The following IFT74 variants were observed in gnomAD, a reference collection of about 807,000 sequenced individuals.
The protein encoded by IFT74 is intraflagellar transport 74, also known as intraflagellar transport protein 74 homolog.
A neutral mutation model predicts 96.7 loss-of-function variants in IFT74; 92 were observed. That is an observed-to-expected ratio of 0.95 (90% CI 0.80 to 1.13). The LOEUF (loss-of-function observed/expected upper bound fraction) is 1.13, where lower values mean the gene tolerates loss of function less well. Among genes scored for constraint, IFT74 ranks in the 50% most tolerant of loss-of-function variants. The pLI is 0.00. For synonymous variants in IFT74, 223 were observed against 213.2 expected (o/e 1.05, Z -0.40); for missense variants, 811 against 698.2 (o/e 1.16, Z -1.82).
upstream of IFT74, among the ~76,000 whole-genome samples, chr9:26,951,780 T>G (rs1390732682): frequency 6.6e-6 from 1 of 152,088 alleles, no homozygotes; most frequent in East Asian, 1.9e-4. Context: ...GCGCCTGTAG[T>G]CCCAGCTACT....
intron 12 of IFT74, among the ~76,000 whole-genome samples, chr9:27,022,031 T>G (rs1020470564): frequency 3.3e-5 from 5 of 152,230 alleles, no homozygotes; most frequent in African/African-American, 9.6e-5. Flanking sequence ...GAGGATCCAG[T>G]TTCATTCTCC....
intron 1 of IFT74, among the ~76,000 whole-genome samples, chr9:26,956,802 A>G (rs1448224389): frequency 6.6e-6 from 1 of 152,222 alleles, no homozygotes. Flanking sequence ...TCAAAGCAAT[A>G]CATTTCTGCC....
Position 27,046,121 on chromosome 9 carries a change from C to T in IFT74, c.1109-1153C>T, listed in dbSNP as rs549595895. 1.9e-4 allele frequency among the ~76,000 whole-genome samples: 29 copies of T among 152,234 alleles called. No individual in the cohort carries two copies. In the Middle Eastern group the frequency reaches 0.02, roughly 107 times the overall value. ...TCCTTAAAAAATAACCCCTGAAAGA[C>T]AATGTTCATTTATGCCTTTGTATAT... On this transcript the variant is annotated intron_variant, in intron 14 of 19. Coordinates refer to ENST00000380062, the MANE Select transcript of IFT74 (RefSeq NM_025103.4).
chr9:27,038,028 C>G (rs983667833), intron 13 of IFT74, among the ~76,000 whole-genome samples: 3 of 152,204 alleles, frequency 2.0e-5, no homozygotes, highest in Non-Finnish European at 4.4e-5. Flanking sequence ...ATGACTTACA[C>G]CCACCTCACC....
At chr9:26,980,497 C>T in intron 3 of IFT74, 74 bp from the exon 4 acceptor site, 2 of 880,394 alleles carry the variant, frequency 2.3e-6, no homozygotes, top group Non-Finnish European at 3.9e-6. Flanking sequence ...GAGTGTAATT[C>T]TGATTGTGCT....
At chr9:27,061,231 G>A (rs1434013633) in intron 19 of IFT74, among the ~76,000 whole-genome samples, 1 of 152,078 alleles carries the variant, frequency 6.6e-6, no homozygotes, top group Non-Finnish European at 1.5e-5. Flanking sequence ...CAAAAAAGGA[G>A]TACAAAGACT....
chr9:27,037,686 T>C (rs1279366804), intron 13 of IFT74, among the ~76,000 whole-genome samples: 1 of 152,220 alleles, frequency 6.6e-6, no homozygotes, highest in Non-Finnish European at 1.5e-5. Context: ...CACAGCAGGT[T>C]ACATGGTCAA....
At chr9:26,966,102 T>G (rs1225571270) in intron 2 of IFT74, among the ~76,000 whole-genome samples, 1 of 151,982 alleles carries the variant, frequency 6.6e-6, no homozygotes, top group Non-Finnish European at 1.5e-5. Flanking sequence ...ACAGTCAGGT[T>G]TTTTTTTCAT....
rs1449559481 is a variant in IFT74 at position 27,011,954 on chromosome 9, G to A, written c.775G>A (p.Glu259Lys). ...ATTGGATTCACAGAACATGAAAAAAGAGAGCCTGGAAGCAGTAAGTATAAA... is the reference window on the plus strand; with the variant it reads ...ATTGGATTCACAGAACATGAAAAAAAAGAGCCTGGAAGCAGTAAGTATAAA... ...QQLDSQNMKK[E>K]SLEAEIAHSQ... The change falls in exon 10 of 20, where the codon GAG becomes AAG. Residue 259 changes from glutamate (E) to lysine (K), a missense_variant. Glu to Lys is a moderately conservative substitution (Grantham distance 56). Transcript: ENST00000380062. 1 of 1,583,824 alleles carries A rather than the reference G, an allele frequency of 6.3e-7. No individual in the cohort carries two copies. Among genetic ancestry groups the A allele is most frequent in the Non-Finnish European group, 8.6e-7 (1 of 1,165,946 alleles).
chr9:26,978,719 A>G (rs1421216852), intron 3 of IFT74, among the ~76,000 whole-genome samples: 2 of 152,166 alleles, frequency 1.3e-5, no homozygotes, highest in Non-Finnish European at 2.9e-5. Context: ...CACTTAAAAT[A>G]CTTGTGTATT....
At chr9:26,971,335 G>T (rs1826868295) in intron 2 of IFT74, among the ~76,000 whole-genome samples, 1 of 152,058 alleles carries the variant, frequency 6.6e-6, no homozygotes, top group Non-Finnish European at 1.5e-5. Context: ...TCTGTGACCT[G>T]TTTGGCTAGG....
chr9:26,987,942 T>TTTG lies in IFT74; in HGVS notation c.466-706_466-704dup, dbSNP rs558957842. ...TGTTTTTACTAGTGTAAATTTGTTT[T>TTTG]TTGTTGTTGTTGTTGTTGTTGTTTT... On this transcript the variant is annotated intron_variant, in intron 6 of 19. Transcript: ENST00000380062. Among the ~76,000 whole-genome samples, 883 of 152,034 alleles carry TTTG rather than the reference T, an allele frequency of 5.8e-3. 5 individuals carry two copies. The highest frequency in any genetic ancestry group is 0.019 in the African/African-American group (781 of 41,468).
intron 2 of IFT74, among the ~76,000 whole-genome samples, chr9:26,963,712 A>G (rs1478439580): frequency 6.6e-6 from 1 of 152,192 alleles, no homozygotes; most frequent in East Asian, 1.9e-4. Flanking sequence ...ATGGCCAGTG[A>G]TGATGAGCAT....
At chr9:27,053,153 C>A (rs1587420981) in intron 16 of IFT74, among the ~76,000 whole-genome samples, 1 of 123,640 alleles carries the variant, frequency 8.1e-6, no homozygotes, top group Non-Finnish European at 1.7e-5. Context: ...GTGAGCACCG[C>A]GCCTGGCCTT....
In IFT74 at chr9:26,956,481, G is replaced by C. The variant is rs1462063215; in HGVS notation, c.-55G>C. The C allele has an allele frequency of 3.3e-5, 5 of 152,318 alleles. No individual in the cohort carries two copies. Among genetic ancestry groups the C allele is most frequent in the Non-Finnish European group, 7.3e-5 (5 of 68,116 alleles). The allele number at this position is 152,318 out of a possible 1,614,324, so 9.4% of individuals were successfully genotyped here. A position where few individuals can be genotyped will look rare whatever the true frequency, so the allele number is the denominator to read the frequency against. ...CTCAGAAAGAAGTTAAGGCACCCGCGAGCCGGGCAACTGCCCTCCTTCCGC... is the reference window on the plus strand; with the variant it reads ...CTCAGAAAGAAGTTAAGGCACCCGCCAGCCGGGCAACTGCCCTCCTTCCGC... On this transcript the variant is annotated 5_prime_UTR_variant, in exon 1 of 20. Transcript: ENST00000380062.
chr9:26,954,610 T>G (rs1426635037), upstream of IFT74, among the ~76,000 whole-genome samples: 1 of 150,532 alleles, frequency 6.6e-6, no homozygotes, highest in Admixed American at 6.7e-5. Flanking sequence ...TAATCTAGTA[T>G]GGACTGGCAG....
At chr9:27,003,445 C>G (rs1828608888) in intron 8 of IFT74, among the ~76,000 whole-genome samples, 1 of 151,994 alleles carries the variant, frequency 6.6e-6, no homozygotes, top group East Asian at 1.9e-4. Flanking sequence ...ATTGTTTGAA[C>G]CTGGGAGGCA....
intron 9 of IFT74, among the ~76,000 whole-genome samples, chr9:27,011,672 A>C (rs1829087180): frequency 6.8e-6 from 1 of 146,542 alleles, no homozygotes; most frequent in South Asian, 2.1e-4. Context: ...TTGAAGGCAC[A>C]CAGCAAGTTT....
intron 13 of IFT74, among the ~76,000 whole-genome samples, chr9:27,037,748 C>A (rs533095061): frequency 3.9e-5 from 6 of 152,258 alleles, no homozygotes; most frequent in African/African-American, 1.4e-4. Context: ...AGAACAAAAT[C>A]AAAAATTGCC....
Sources: allele counts gnomAD v4.1 joint callset (sites outside exome capture counted in the v4.1 genomes callset), GRCh38; gene constraint gnomAD v4.1.1; transcripts MANE v1.5; gene names NCBI Gene and HGNC (gene_info 2026-07-23, HGNC 2026-07-21).